HS6ST3: variants seen among roughly 807,000 people sequenced by gnomAD.
HS6ST3 encodes heparan sulfate 6-O-sulfotransferase 3.
HS6ST3 carries 12 observed loss-of-function variants against 36.7 expected under a neutral mutation model. That is an observed-to-expected ratio of 0.33 (90% CI 0.21 to 0.53). HS6ST3 has a LOEUF of 0.53. Ranked by LOEUF, HS6ST3 falls within the 20% of genes least tolerant of loss-of-function variation. HS6ST3 has a pLI of 0.95. For synonymous variants in HS6ST3, 240 were observed against 257.5 expected (o/e 0.93, Z 0.65); for missense variants, 584 against 640.9 (o/e 0.91, Z 0.96).
intron 1 of HS6ST3, among the ~76,000 whole-genome samples, chr13:96,523,311 T>C (rs1336777881): frequency 1.3e-5 from 2 of 152,190 alleles, no homozygotes; most frequent in South Asian, 4.1e-4. Context: ...TTTCCTCATT[T>C]CAACCTTGGC....
intron 1 of HS6ST3, among the ~76,000 whole-genome samples, chr13:96,222,126 C>T (rs2054458718): frequency 6.6e-6 from 1 of 152,082 alleles, no homozygotes; most frequent in Non-Finnish European, 1.5e-5. Context: ...TGTAAAACAT[C>T]AATCAAATTC....
chr13:96,762,981 A>G (rs1170078178), intron 1 of HS6ST3, among the ~76,000 whole-genome samples: 1 of 152,218 alleles, frequency 6.6e-6, no homozygotes, highest in African/African-American at 2.4e-5. Flanking sequence ...AAGAGAGACT[A>G]GAATCAAGTT....
chr13:96,729,202 G>T (rs970875407), intron 1 of HS6ST3, among the ~76,000 whole-genome samples: 1 of 152,026 alleles, frequency 6.6e-6, no homozygotes, highest in Non-Finnish European at 1.5e-5. Flanking sequence ...TTCCTTTAGG[G>T]TATTAAATAG....
At chr13:96,683,912 G>A (rs759764536) in intron 1 of HS6ST3, among the ~76,000 whole-genome samples, 40 of 152,102 alleles carry the variant, frequency 2.6e-4, no homozygotes, top group East Asian at 1.2e-3. Flanking sequence ...GTTTAAGTAG[G>A]CATTTCTGTG....
At chr13:96,763,413 C>A (rs1321315823) in intron 1 of HS6ST3, among the ~76,000 whole-genome samples, 1 of 150,838 alleles carries the variant, frequency 6.6e-6, no homozygotes, top group Non-Finnish European at 1.5e-5. Flanking sequence ...ATCACTTGAA[C>A]CTGGGAGGCA....
intron 1 of HS6ST3, among the ~76,000 whole-genome samples, chr13:96,749,306 A>ATAATATG (rs1876640769): frequency 6.6e-6 from 1 of 152,220 alleles, no homozygotes; most frequent in Non-Finnish European, 1.5e-5. Context: ...TGAAAAAAGC[A>ATAATATG]TAATATGTAC....
rs1878946529 is a variant in HS6ST3 at position 96,837,170 on chromosome 13, A to G, written c.*3972A>G. On this transcript the variant is annotated 3_prime_UTR_variant, in exon 2 of 2. Coordinates refer to ENST00000376705, the MANE Select transcript of HS6ST3 (RefSeq NM_153456.4). ...AATGTGGAAATTAATACTGATAAAG[A>G]CTATCAGTATCTGATACAAAAGGGA... 6.6e-6 allele frequency: 1 copy of G among 152,222 alleles called. No individual in the cohort carries two copies. The highest frequency in any genetic ancestry group is 2.4e-5 in the African/African-American group (1 of 41,450). The allele number at this position is 152,222 out of a possible 1,614,324, so 9.4% of individuals were successfully genotyped here. A position where few individuals can be genotyped will look rare whatever the true frequency, so the allele number is the denominator to read the frequency against.
intron 1 of HS6ST3, among the ~76,000 whole-genome samples, chr13:96,451,908 T>G (rs777592964): frequency 6.6e-6 from 1 of 152,194 alleles, no homozygotes; most frequent in Non-Finnish European, 1.5e-5. Context: ...TAGTCCTTCA[T>G]TTGTATAAAG....
intron 1 of HS6ST3, among the ~76,000 whole-genome samples, chr13:96,184,155 C>A (rs1307453685): frequency 7.1e-6 from 1 of 140,790 alleles, no homozygotes; most frequent in Non-Finnish European, 1.5e-5. Flanking sequence ...GAGCCAAGAT[C>A]GCACCACTGC....
At chr13:96,211,390 T>G (rs2054398409) in intron 1 of HS6ST3, among the ~76,000 whole-genome samples, 1 of 152,198 alleles carries the variant, frequency 6.6e-6, no homozygotes, top group South Asian at 2.1e-4. Flanking sequence ...CCTCTGGAGT[T>G]GCCTCACTGG....
intron 1 of HS6ST3, among the ~76,000 whole-genome samples, chr13:96,493,018 A>C (rs1470224489): frequency 6.6e-6 from 1 of 152,190 alleles, no homozygotes; most frequent in East Asian, 1.9e-4. Flanking sequence ...GAGCGAGGAC[A>C]ACTTTAATTT....
chr13:96,105,243 A>G (rs982908463), intron 1 of HS6ST3, among the ~76,000 whole-genome samples: 12 of 152,152 alleles, frequency 7.9e-5, no homozygotes, highest in Non-Finnish European at 1.8e-4. Context: ...TCTCCAAGTC[A>G]CATGGTTCTA....
chr13:96,158,537 C>T (rs1485763626), intron 1 of HS6ST3, among the ~76,000 whole-genome samples: 2 of 150,986 alleles, frequency 1.3e-5, no homozygotes, highest in African/African-American at 2.4e-5. Context: ...CCTGTAGTCC[C>T]AGCTACTCGG....
chr13:96,601,168 C>G (rs2056420358), intron 1 of HS6ST3, among the ~76,000 whole-genome samples: 1 of 152,100 alleles, frequency 6.6e-6, no homozygotes, highest in Admixed American at 6.5e-5. Flanking sequence ...TGCAATGAAT[C>G]TCCCAGGAAT....
At chr13:96,208,507 G>A (rs1314900484) in intron 1 of HS6ST3, among the ~76,000 whole-genome samples, 2 of 152,128 alleles carry the variant, frequency 1.3e-5, no homozygotes, top group African/African-American at 2.4e-5. Flanking sequence ...TAATTTCCGA[G>A]GGTTCAACTG....
chr13:96,611,335 T>C (rs1352265589), intron 1 of HS6ST3, among the ~76,000 whole-genome samples: 1 of 152,014 alleles, frequency 6.6e-6, no homozygotes, highest in Non-Finnish European at 1.5e-5. Context: ...GATTATAAAA[T>C]TAACATTTAA....
intron 1 of HS6ST3, among the ~76,000 whole-genome samples, chr13:96,200,048 T>C (rs2054333617): frequency 1.3e-5 from 2 of 152,224 alleles, no homozygotes; most frequent in Non-Finnish European, 2.9e-5. Context: ...CTATAGGCCA[T>C]ACTTAGTTCT....
At chr13:96,562,545 G>A (rs549196758) in intron 1 of HS6ST3, among the ~76,000 whole-genome samples, 127 of 152,092 alleles carry the variant, frequency 8.4e-4, no homozygotes, top group Admixed American at 3.5e-3. Flanking sequence ...ATAATATGCC[G>A]AGCATCAGAG....
intron 1 of HS6ST3, among the ~76,000 whole-genome samples, chr13:96,136,412 C>A (rs2054001903): frequency 6.6e-6 from 1 of 151,958 alleles, no homozygotes; most frequent in Admixed American, 6.6e-5. Context: ...CAGGAACAGG[C>A]GTCTTACATG....
Sources: allele counts gnomAD v4.1 joint callset (sites outside exome capture counted in the v4.1 genomes callset), GRCh38; gene constraint gnomAD v4.1.1; transcripts MANE v1.5; gene names NCBI Gene and HGNC (gene_info 2026-07-23, HGNC 2026-07-21).